ZBTB17: variants seen among roughly 807,000 people sequenced by gnomAD.
The protein encoded by ZBTB17 is zinc finger and BTB domain-containing protein 17.
In ZBTB17, 24 loss-of-function variants were observed where a neutral mutation model predicts 85.1. The ratio of observed to expected loss-of-function variants is 0.28; its 90% CI spans 0.20 to 0.40. The LOEUF is 0.40. Among genes scored for constraint, ZBTB17 ranks in the 10% least tolerant of loss-of-function variants. The pLI is 1.00. For synonymous variants in ZBTB17, 464 were observed against 460.2 expected (o/e 1.01, Z -0.11); for missense variants, 743 against 1,105.1 (o/e 0.67, Z 4.65).
intron 2 of ZBTB17, among the ~76,000 whole-genome samples, chr1:15,970,370 GAA>G (rs35489228): frequency 0.7 from 103,092 of 146,790 alleles, 36,192 homozygotes; most frequent in Non-Finnish European, 0.75. Flanking sequence ...ACTTAAAGAA[GAA>G]AAAAAAAAAA....
chr1:15,949,874 G>C (rs887565799), intron 2 of ZBTB17, among the ~76,000 whole-genome samples: 9 of 152,196 alleles, frequency 5.9e-5, no homozygotes, highest in Non-Finnish European at 1.0e-4. Flanking sequence ...TCTGCTGAGC[G>C]GGGGGAAGTG....
chr1:15,971,417 C>T (rs1324471163), intron 2 of ZBTB17, among the ~76,000 whole-genome samples: 1 of 127,284 alleles, frequency 7.9e-6, no homozygotes, highest in East Asian at 2.1e-4. Context: ...TACACACACA[C>T]TATATATATA....
chr1:15,945,351 G>A, intron 6 of ZBTB17, 149 bp from the exon 7 acceptor site: 1 of 1,421,604 alleles, frequency 7.0e-7, no homozygotes, highest in Non-Finnish European at 9.2e-7. Flanking sequence ...GGTATTTGCT[G>A]CTTGCGGGAT....
At position 15,946,948 on chromosome 1, in the gene ZBTB17, G is replaced by A; in HGVS notation, c.381C>T (p.Ala127=). ...CCAATAACCTACCTTCTGTGGCCAA[G>A]GCCTCCGCATTTCCCCCAGGGCTGG... ...PATSPGGNAE[A]LATEGGDKRA... The change falls in exon 4 of 16, where the codon GCC becomes GCT. Residue 127 remains alanine, a synonymous_variant. Transcript: ENST00000375743. The A allele has an allele frequency of 6.2e-7, 1 of 1,610,582 alleles. No homozygotes were observed. Among genetic ancestry groups the A allele is most frequent in the Non-Finnish European group, 8.5e-7 (1 of 1,177,136 alleles).
intron 2 of ZBTB17, among the ~76,000 whole-genome samples, chr1:15,957,837 C>T (rs745700262): frequency 1.2e-4 from 19 of 152,066 alleles, no homozygotes; most frequent in Admixed American, 2.6e-4. Context: ...AGATCTGTGC[C>T]CGGAGACACT....
In ZBTB17 at chr1:15,976,054, G is replaced by C. The variant is rs954301261; in HGVS notation, c.-161C>G. On this transcript the variant is annotated 5_prime_UTR_variant, in exon 1 of 16. Coordinates refer to ENST00000375743, the MANE Select transcript of ZBTB17 (RefSeq NM_003443.3). ...CGAGAAGGCCGGGGACGGCACTCCA[G>C]AGCAGACAAAGGGCGCCGCCATGTT... is the stretch of plus-strand genomic sequence containing the variant. The C allele has an allele frequency of 5.8e-6, 4 of 692,944 alleles. No individual in the cohort carries two copies. The African/African-American group carries it at 7.1e-5, about 12-fold the overall frequency. 42.9% of individuals were successfully genotyped at this position (692,944 alleles called of 1,614,324 possible).
chr1:15,948,517 G>A lies in ZBTB17; in HGVS notation c.-2-20C>T, dbSNP rs750968055. ...CCATGGCTGAAGAAAGCCAAAGGGC[G>A]TTGGGGTTAGCACGGAGAAAGGACG... is the stretch of plus-strand genomic sequence containing the variant. On this transcript the variant is annotated intron_variant, in intron 2 of 15. Coordinates refer to ENST00000375743, the MANE Select transcript of ZBTB17 (RefSeq NM_003443.3). 27 of 1,610,218 alleles carry A rather than the reference G, an allele frequency of 1.7e-5. No individual in the cohort carries two copies. The South Asian group carries it at 1.8e-4, about 11-fold the overall frequency.
In ZBTB17 at chr1:15,943,151, CGTG is replaced by C. The variant is rs2071432279; in HGVS notation, c.1738_1740del (p.His580del). Reference sequence around the variant, plus strand: ...CTGCACTTGTGTGGGCGGATGTTGTCGTGGTGGCGAATATGATTGGCCAACTGG... The same window carrying C: ...CTGCACTTGTGTGGGCGGATGTTGTCGTGGCGAATATGATTGGCCAACTGG... On this transcript the variant is annotated inframe_deletion, in exon 13 of 16. Transcript: ENST00000375743. 6.2e-7 allele frequency: 1 copy of C among 1,614,012 alleles called. No individual in the cohort carries two copies. Among genetic ancestry groups the C allele is most frequent in the African/African-American group, 1.3e-5 (1 of 74,924 alleles).
chr1:15,950,548 C>T lies in ZBTB17; in HGVS notation c.-2-2051G>A, dbSNP rs1359738949. Reference sequence around the variant, plus strand: ...GCCCCAAGTGCAGAAGAGGGGAATACCAGGGCCCACACAGGGCAAAATCCT... The same window carrying T: ...GCCCCAAGTGCAGAAGAGGGGAATATCAGGGCCCACACAGGGCAAAATCCT... On this transcript the variant is annotated intron_variant, in intron 2 of 15. Coordinates refer to ENST00000375743, the MANE Select transcript of ZBTB17 (RefSeq NM_003443.3). 6.6e-5 allele frequency among the ~76,000 whole-genome samples: 10 copies of T among 152,298 alleles called. No individual in the cohort carries two copies. In the East Asian group the frequency reaches 1.9e-3, roughly 29 times the overall value.
Position 15,975,975 on chromosome 1 carries a change from AC to A in ZBTB17, c.-90+7del. On this transcript the variant is annotated splice_region_variant and intron_variant, in intron 1 of 15. Transcript: ENST00000375743. Reference sequence around the variant, plus strand: ...CTTCCCCGGCCCCGGGCGATTGTTGACACTCACCTGCCATGTCCCGGACCCC... The same window carrying A: ...CTTCCCCGGCCCCGGGCGATTGTTGAACTCACCTGCCATGTCCCGGACCCC... 1 of 699,516 alleles carries A rather than the reference AC, an allele frequency of 1.4e-6. No individual in the cohort carries two copies. The highest frequency in any genetic ancestry group is 2.7e-5 in the East Asian group (1 of 36,948). 43.3% of individuals were successfully genotyped at this position (699,516 alleles called of 1,614,324 possible).
In ZBTB17 at chr1:15,946,826, C is replaced by T. The variant is rs1027200443; in HGVS notation, c.394+109G>A. 2.2e-5 allele frequency: 30 copies of T among 1,355,868 alleles called. 1 individual carries two copies. The highest frequency in any genetic ancestry group is 2.2e-4 in the Admixed American group (9 of 41,564). 84.0% of individuals were successfully genotyped at this position (1,355,868 alleles called of 1,614,324 possible). On this transcript the variant is annotated intron_variant, in intron 4 of 15. Transcript: ENST00000375743. The stretch of plus-strand genomic sequence containing the variant: ...GCTAACCCTTGCCAGCACCCACAAC[C>T]GAGGCAGGGCCAGATGAGGAAACTG...
At chr1:15,944,190 G>A in intron 9 of ZBTB17, 110 bp downstream of exon 9, 1 of 1,429,406 alleles carries the variant, frequency 7.0e-7, no homozygotes, top group Non-Finnish European at 9.5e-7. Flanking sequence ...ACAAGCTGAT[G>A]AGCTCCTGGA....
Position 15,950,453 on chromosome 1 carries a change from C to T in ZBTB17, c.-2-1956G>A, listed in dbSNP as rs117568547. Among the ~76,000 whole-genome samples, 452 of 152,338 alleles carry T rather than the reference C, an allele frequency of 3.0e-3. 24 individuals carry two copies. In the East Asian group the frequency reaches 0.069, roughly 23 times the overall value. On this transcript the variant is annotated intron_variant, in intron 2 of 15. Transcript: ENST00000375743. The stretch of plus-strand genomic sequence containing the variant: ...CTTCTCCTGGCTGTGGAAAAGGTCA[C>T]GTGAGCACACAGGTGTGTGGGTGGC...
In ZBTB17 at chr1:15,952,437, C is replaced by T. The variant is rs1336204081; in HGVS notation, c.-2-3940G>A. Among the ~76,000 whole-genome samples the T allele has an allele frequency of 6.6e-6, 1 of 152,222 alleles. No homozygotes were observed. The highest frequency in any genetic ancestry group is 3.2e-3 in the Middle Eastern group (1 of 316). On this transcript the variant is annotated intron_variant, in intron 2 of 15. Transcript: ENST00000375743. This position sits in a 1 kb window ranked among gnomAD's most constrained non-coding sequence, Gnocchi z 4.3. ...CACAGCGGAACAGACGCGGCAGAAC[C>T]GACACGGCGGAACGGACGCGGATGA...
chr1:15,945,286 C>A, intron 6 of ZBTB17, 84 bp from the exon 7 acceptor site: 3 of 1,507,174 alleles, frequency 2.0e-6, no homozygotes, highest in Non-Finnish European at 2.7e-6. Flanking sequence ...GTGGAAGGGA[C>A]AGTAAATGGC....
chr1:15,945,304 C>T, intron 6 of ZBTB17, 102 bp from the exon 7 acceptor site: 1 of 1,478,774 alleles, frequency 6.8e-7, no homozygotes, highest in Non-Finnish European at 8.9e-7. Context: ...GGCCCCAGCA[C>T]TGGCCAAGGA....
At chr1:15,961,141 T>TTGAA (rs1226424084) in intron 2 of ZBTB17, among the ~76,000 whole-genome samples, 1 of 152,154 alleles carries the variant, frequency 6.6e-6, no homozygotes, top group African/African-American at 2.4e-5. Context: ...TTAAGAAATG[T>TTGAA]TGAATAAATG....
chr1:15,955,649 C>T (rs1333617183), intron 2 of ZBTB17, among the ~76,000 whole-genome samples: 1 of 152,188 alleles, frequency 6.6e-6, no homozygotes, highest in Non-Finnish European at 1.5e-5. Context: ...TATACAACTA[C>T]CGCTATCTTT....
At chr1:15,950,928 CTGGATGGA>C (rs925834905) in intron 2 of ZBTB17, among the ~76,000 whole-genome samples, 1 of 152,146 alleles carries the variant, frequency 6.6e-6, no homozygotes, top group Non-Finnish European at 1.5e-5. Flanking sequence ...TGTCCTGGGA[CTGGATGGA>C]TGGATGGATG....
Sources: gnomAD v4.1 joint callset for allele counts (sites outside exome capture counted in the v4.1 genomes callset) on GRCh38, gnomAD v4.1.1 for gene constraint, Gnocchi (gnomAD v3.1) non-coding constraint, MANE v1.5 for transcripts, NCBI Gene and HGNC (gene_info 2026-07-23, HGNC 2026-07-21) for gene names.